Variants in RPL24 observed in about 807,000 individuals in gnomAD.
The protein encoded by RPL24 is ribosomal protein L24, also known as large ribosomal subunit protein eL24.
Under a neutral mutation model 26.4 loss-of-function variants are expected in RPL24, and 7 were observed. The ratio of observed to expected loss-of-function variants is 0.27; its 90% CI spans 0.15 to 0.50. RPL24 has a LOEUF of 0.50. Ranked by LOEUF, RPL24 falls within the 20% of genes least tolerant of loss-of-function variation. The pLI, the probability that RPL24 is intolerant of heterozygous loss-of-function variation, is 0.98. For synonymous variants in RPL24, 67 were observed against 65.2 expected (o/e 1.03, Z -0.13); for missense variants, 109 against 194.9 (o/e 0.56, Z 2.62).
At chr3:101,683,694 T>C (rs189621391) in intron 3 of RPL24, among the ~76,000 whole-genome samples, 45 of 151,420 alleles carry the variant, frequency 3.0e-4, no homozygotes, top group East Asian at 9.7e-4. Flanking sequence ...TTTAACCTTT[T>C]GGTTTTTCTT....
chr3:101,683,380 C>A (rs1040975265), intron 3 of RPL24, among the ~76,000 whole-genome samples: 1 of 152,166 alleles, frequency 6.6e-6, no homozygotes, highest in Non-Finnish European at 1.5e-5. Context: ...ATCTATACTA[C>A]AGTGTTTATG....
At chr3:101,683,927 G>C (rs751695742) in intron 3 of RPL24, among the ~76,000 whole-genome samples, 2 of 151,998 alleles carry the variant, frequency 1.3e-5, no homozygotes, top group Non-Finnish European at 2.9e-5. Context: ...GCCCAGGCTG[G>C]TCTCTAACGC....
At chr3:101,683,942 G>A (rs927719452) in intron 3 of RPL24, among the ~76,000 whole-genome samples, 3 of 152,016 alleles carry the variant, frequency 2.0e-5, no homozygotes, top group African/African-American at 7.2e-5. Context: ...TAACGCCTGA[G>A]CTCAGGCAAT....
intron 3 of RPL24, among the ~76,000 whole-genome samples, chr3:101,684,477 A>T (rs1412197059): frequency 6.6e-6 from 1 of 152,104 alleles, no homozygotes; most frequent in African/African-American, 2.4e-5. Context: ...GCCTCATTTT[A>T]ACTTTTTAAA....
intron 4 of RPL24, 40 bp from the exon 5 acceptor site, chr3:101,682,532 C>T (rs755091994): frequency 4.6e-6 from 7 of 1,507,432 alleles, no homozygotes; most frequent in Non-Finnish European, 5.5e-6. Context: ...GCACTTTACT[C>T]CTTAGTGGTA....
chr3:101,682,422 TA>T lies in RPL24; in HGVS notation c.393+6del. On this transcript the variant is annotated splice_donor_region_variant and intron_variant, in intron 5 of 5. Transcript: ENST00000394077. ...TGTTCAAGAAAGTAAAGAAACCCCATAATTACCTTAGCAGCAGCCATTGCAG... is the reference window on the plus strand; with the variant it reads ...TGTTCAAGAAAGTAAAGAAACCCCATATTACCTTAGCAGCAGCCATTGCAG... 1.2e-6 allele frequency: 2 copies of T among 1,609,730 alleles called. No individual in the cohort carries two copies. Among genetic ancestry groups the T allele is most frequent in the Non-Finnish European group, 1.7e-6 (2 of 1,175,974 alleles).
At position 101,686,708 on chromosome 3, in the gene RPL24, C is replaced by T. The variant is rs1430625289; in HGVS notation, c.-32G>A. ...AGCTCCACGGAAAGACAAAAGATGG[C>T]GAAAAGAAAGAGAGAATCATGGGAA... is the stretch of plus-strand genomic sequence containing the variant. On this transcript the variant is annotated 5_prime_UTR_variant, in exon 1 of 6. Transcript: ENST00000394077. 1.2e-6 allele frequency: 2 copies of T among 1,613,980 alleles called. No individual in the cohort carries two copies. Among genetic ancestry groups the T allele is most frequent in the Admixed American group, 1.7e-5 (1 of 60,026 alleles).
chr3:101,686,133 G>A (rs1937338604), intron 2 of RPL24: 3 of 577,956 alleles, frequency 5.2e-6, no homozygotes, highest in African/African-American at 3.7e-5. Context: ...CTTTTCTCGA[G>A]AGCAGGAAAT....
chr3:101,685,747 A>G, intron 3 of RPL24, 71 bp downstream of exon 3: 2 of 832,674 alleles, frequency 2.4e-6, no homozygotes, highest in Non-Finnish European at 4.0e-6. Flanking sequence ...TTTACAGAGC[A>G]GAAAACCAAC....
rs775766671 is a variant in RPL24, at chr3:101,685,896, C to T, written c.114G>A (p.Ser38=). The stretch of plus-strand genomic sequence containing the variant: ...GAGGATTCCTCTTGGAAAGGAAAGC[C>T]GACTCGCATTTCGCATTAAGAAACT... ...VFQFLNAKCE[S]AFLSKRNPRQ... is the part of the protein sequence containing the mutation. The change falls in exon 3 of 6, where the codon TCG becomes TCA. Residue 38 remains serine, a synonymous_variant. Transcript: ENST00000394077. The T allele has an allele frequency of 1.9e-6, 3 of 1,613,814 alleles. No individual in the cohort carries two copies. In the South Asian group the frequency reaches 3.3e-5, roughly 18 times the overall value.
intron 3 of RPL24, among the ~76,000 whole-genome samples, chr3:101,685,125 T>C (rs1203241609): frequency 1.3e-5 from 2 of 152,092 alleles, no homozygotes; most frequent in Admixed American, 6.6e-5. Context: ...TATTTAGCAA[T>C]GCACAAAGGT....
intron 3 of RPL24, among the ~76,000 whole-genome samples, chr3:101,683,548 GA>G: frequency 6.6e-6 from 1 of 152,080 alleles, no homozygotes; most frequent in East Asian, 1.9e-4. Context: ...TTTTTAGAAA[GA>G]TGCAATCTTA....
intron 4 of RPL24, 125 bp from the exon 5 acceptor site, chr3:101,682,617 T>G (rs1159689595): frequency 8.8e-7 from 1 of 1,135,158 alleles, no homozygotes; most frequent in African/African-American, 1.6e-5. Flanking sequence ...CTCCATTTAT[T>G]TGTAGGCTAA....
intron 5 of RPL24, 107 bp downstream of exon 5, chr3:101,682,322 G>A (rs1178281353): frequency 1.1e-6 from 1 of 880,916 alleles, no homozygotes; most frequent in Admixed American, 1.8e-5. Flanking sequence ...GCTGAGATCA[G>A]ATCACGCCAC....
Position 101,686,553 on chromosome 3 carries a change from C to T in RPL24, c.10G>A (p.Glu4Lys), listed in dbSNP as rs766777267. 1 of 1,614,218 alleles carries T rather than the reference C, an allele frequency of 6.2e-7. No individual in the cohort carries two copies. The highest frequency in any genetic ancestry group is 8.5e-7 in the Non-Finnish European group (1 of 1,180,036). The change falls in exon 2 of 6, where the codon GAG (glutamate) becomes AAG (lysine). Residue 4 changes from glutamate to lysine, a missense_variant. Physicochemically the swap from Glu to Lys is moderately conservative, Grantham distance 56 (BLOSUM62 1). Around this residue, in one of 3 missense-constraint regions of RPL24, gnomAD observed 69 missense variants for 96.2 expected, o/e 0.72. Transcript: ENST00000394077. The stretch of plus-strand genomic sequence containing the variant: ...TTGTACCCGCTAAAACTGCACAGCT[C>T]GACCCTGCAACAAAAAGTGAAAGTC... MKV[E>K]LCSFSGYKIY...
intron 3 of RPL24, 116 bp downstream of exon 3, chr3:101,685,702 G>C (rs1937328825): frequency 1.7e-6 from 1 of 575,536 alleles, no homozygotes; most frequent in East Asian, 2.8e-5. Context: ...ACGCTTTACA[G>C]TTTAAGAGCT....
At chr3:101,684,343 T>C (rs1937302980) in intron 3 of RPL24, among the ~76,000 whole-genome samples, 1 of 151,822 alleles carries the variant, frequency 6.6e-6, no homozygotes, top group African/African-American at 2.4e-5. Context: ...TTTTTTTTTG[T>C]ATTTTTAGTA....
chr3:101,686,399 G>T, intron 2 of RPL24, 83 bp downstream of exon 2: 3 of 1,227,818 alleles, frequency 2.4e-6, no homozygotes, highest in Non-Finnish European at 3.4e-6. Context: ...GTGATGTGGG[G>T]AATAAACCCG....
chr3:101,686,157 A>G, intron 2 of RPL24: 1 of 577,396 alleles, frequency 1.7e-6, no homozygotes, highest in East Asian at 2.8e-5. Context: ...GGCTCATAGC[A>G]AAGGACAGGG....
Sources: allele counts gnomAD v4.1 joint callset (sites outside exome capture counted in the v4.1 genomes callset), GRCh38; gene constraint gnomAD v4.1.1; regional missense constraint gnomAD v4.1.1; transcripts MANE v1.5; gene names NCBI Gene and HGNC (gene_info 2026-07-23, HGNC 2026-07-21).